Variants in RBFOX1 observed in about 807,000 individuals in gnomAD.
The protein encoded by RBFOX1 is RNA binding protein fox-1 homolog 1.
In RBFOX1, 8 loss-of-function variants were observed where a neutral mutation model predicts 57.7. The ratio of observed to expected loss-of-function variants is 0.14; its 90% CI spans 0.08 to 0.25. The LOEUF (loss-of-function observed/expected upper bound fraction) is 0.25, where lower values mean the gene tolerates loss of function less well. RBFOX1 is among the 10% of genes least tolerant of loss of function. The pLI, the probability that RBFOX1 is intolerant of heterozygous loss-of-function variation, is 1.00. For synonymous variants in RBFOX1, 326 were observed against 222.4 expected, an observed-to-expected ratio of 1.47 and a Z score of -4.15; for missense variants, 611 against 548.5, an observed-to-expected ratio of 1.11 and a Z score of -1.14.
chr16:6,885,164 A>G (rs367901991), intron 3 of RBFOX1, among the ~76,000 whole-genome samples: 66 of 152,264 alleles, frequency 4.3e-4, no homozygotes, highest in African/African-American at 1.5e-3. Context: ...CTCCTTCCCT[A>G]ATTCCCAGGT....
At chr16:6,099,399 G>T (rs1008680451) in intron 1 of RBFOX1, among the ~76,000 whole-genome samples, 13 of 152,170 alleles carry the variant, frequency 8.5e-5, no homozygotes, top group African/African-American at 2.9e-4. Flanking sequence ...CAGGAGGTTA[G>T]TTCTGAGTGT....
chr16:6,840,966 C>A (rs947343590), intron 3 of RBFOX1, among the ~76,000 whole-genome samples: 1 of 151,748 alleles, frequency 6.6e-6, no homozygotes, highest in African/African-American at 2.4e-5. Context: ...TTAAGGGTAT[C>A]TACCAGGAGG....
At chr16:7,257,303 G>T (rs2094729936) in intron 4 of RBFOX1, among the ~76,000 whole-genome samples, 1 of 152,060 alleles carries the variant, frequency 6.6e-6, no homozygotes, top group African/African-American at 2.4e-5. Context: ...GAACCCACAC[G>T]CTTCCTGTGT....
At chr16:7,056,295 C>T (rs573378864) in intron 4 of RBFOX1, among the ~76,000 whole-genome samples, 2 of 152,206 alleles carry the variant, frequency 1.3e-5, no homozygotes, top group Non-Finnish European at 2.9e-5. Flanking sequence ...AACAGGGAAA[C>T]TTGTTCATTC....
At chr16:5,962,267 G>C (rs568270658) in intron 4 of RBFOX1, among the ~76,000 whole-genome samples, 2 of 152,138 alleles carry the variant, frequency 1.3e-5, no homozygotes, top group Non-Finnish European at 2.9e-5. Flanking sequence ...AGCTATTACA[G>C]TATTTCCCTA....
intron 4 of RBFOX1, among the ~76,000 whole-genome samples, chr16:7,267,609 C>A (rs1361017789): frequency 1.3e-5 from 2 of 151,570 alleles, no homozygotes; most frequent in Non-Finnish European, 2.9e-5. Context: ...AATCGTAGTA[C>A]TTTGGGAGGC....
chr16:7,029,921 T>A (rs1267684564), intron 3 of RBFOX1, among the ~76,000 whole-genome samples: 1 of 152,182 alleles, frequency 6.6e-6, no homozygotes, highest in East Asian at 1.9e-4. Flanking sequence ...CTCACTAGAA[T>A]GGGAGATTTG....
chr16:5,510,031 G>A (rs780655391), intron 2 of RBFOX1, among the ~76,000 whole-genome samples: 17 of 152,294 alleles, frequency 1.1e-4, no homozygotes, highest in African/African-American at 3.4e-4. Flanking sequence ...ACCCCTGGGC[G>A]CGTCAGTTCT....
At chr16:7,155,480 C>G (rs28445305) in intron 4 of RBFOX1, among the ~76,000 whole-genome samples, 26,602 of 151,054 alleles carry the variant, frequency 0.18, 2,925 homozygotes, top group East Asian at 0.33. Flanking sequence ...CTTGTAGTCT[C>G]AGCTCCTTGG....
intron 3 of RBFOX1, among the ~76,000 whole-genome samples, chr16:6,873,496 A>G (rs1437206580): frequency 6.6e-6 from 1 of 152,184 alleles, no homozygotes; most frequent in Non-Finnish European, 1.5e-5. Context: ...AAACTTCCTC[A>G]AGGCTATGAC....
At chr16:7,323,060 T>C (rs1603620632) in intron 4 of RBFOX1, among the ~76,000 whole-genome samples, 1 of 152,110 alleles carries the variant, frequency 6.6e-6, no homozygotes, top group East Asian at 1.9e-4. Context: ...CTAAGGACTG[T>C]TGGGATGGTT....
At chr16:6,467,117 G>T (rs891570349) in intron 2 of RBFOX1, among the ~76,000 whole-genome samples, 1 of 150,368 alleles carries the variant, frequency 6.7e-6, no homozygotes, top group Non-Finnish European at 1.5e-5. Flanking sequence ...CTTAATATAT[G>T]AATTACAGTT....
intron 1 of RBFOX1, among the ~76,000 whole-genome samples, chr16:5,436,856 G>C (rs1376033335): frequency 6.6e-6 from 1 of 151,972 alleles, no homozygotes; most frequent in Non-Finnish European, 1.5e-5. Flanking sequence ...AAAAAGTTCT[G>C]TCAGATAACT....
chr16:5,969,730 A>G (rs1036850892), intron 4 of RBFOX1, among the ~76,000 whole-genome samples: 1 of 151,912 alleles, frequency 6.6e-6, no homozygotes, highest in African/African-American at 2.4e-5. Flanking sequence ...ATGTAGTTTT[A>G]AAAAATTGTC....
intron 4 of RBFOX1, among the ~76,000 whole-genome samples, chr16:7,303,500 C>G (rs924485629): frequency 6.6e-6 from 1 of 152,240 alleles, no homozygotes; most frequent in Non-Finnish European, 1.5e-5. Context: ...GGGGCGCTCG[C>G]TCGCCTGCTC....
Position 5,539,153 on chromosome 16 carries a change from T to C in RBFOX1, c.259-59749T>C, listed in dbSNP as rs566259666. Among the ~76,000 whole-genome samples the C allele has an allele frequency of 3.9e-5, 6 of 152,254 alleles. No individual in the cohort carries two copies. In the South Asian group the frequency reaches 1.2e-3, roughly 32 times the overall value. ...GACACCTGGGCTTCCAGGTGCATGG[T>C]TCAGGGAAAGTGCAGGAAGTGCTGG... is the stretch of plus-strand genomic sequence containing the variant. On this transcript the variant is annotated intron_variant, in intron 2 of 2. Transcript: ENST00000585867.
chr16:7,621,381 C>T lies in RBFOX1; in HGVS notation c.677-9222C>T, dbSNP rs142512493. Reference sequence around the variant, plus strand: ...GTTCAAGCAATTCTTGTGCCTCAGCCGCCCAAGTAGCTGGGGTTACAGGCA... The same window carrying T: ...GTTCAAGCAATTCTTGTGCCTCAGCTGCCCAAGTAGCTGGGGTTACAGGCA... On this transcript the variant is annotated intron_variant, in intron 10 of 15. Coordinates refer to ENST00000550418, the MANE Select transcript of RBFOX1 (RefSeq NM_018723.4). Among the ~76,000 whole-genome samples, 13 of 152,144 alleles carry T rather than the reference C, an allele frequency of 8.5e-5. No homozygotes were observed. The East Asian group carries it at 1.7e-3, about 20-fold the overall frequency.
chr16:6,049,431 G>A (rs1046668851), intron 1 of RBFOX1, among the ~76,000 whole-genome samples: 1 of 152,106 alleles, frequency 6.6e-6, no homozygotes, highest in African/African-American at 2.4e-5. Context: ...TAATTATCAA[G>A]GTATTGCTAA....
intron 4 of RBFOX1, among the ~76,000 whole-genome samples, chr16:5,912,842 GA>G (rs1260897997): frequency 6.6e-6 from 1 of 152,150 alleles, no homozygotes; most frequent in Non-Finnish European, 1.5e-5. Flanking sequence ...TTCTAATGAG[GA>G]AAAGTATAAC....
Sources: allele counts gnomAD v4.1 joint callset (sites outside exome capture counted in the v4.1 genomes callset), GRCh38; gene constraint gnomAD v4.1.1; transcripts MANE v1.5; gene names NCBI Gene and HGNC (gene_info 2026-07-23, HGNC 2026-07-21).